Variants in VAMP7 observed in about 807,000 individuals in gnomAD.
VAMP7 encodes the protein vesicle-associated membrane protein 7.
Under a neutral mutation model 29.6 loss-of-function variants are expected in VAMP7, and 14 were observed. That is an observed-to-expected ratio of 0.47 (90% confidence interval 0.31 to 0.74). The LOEUF (loss-of-function observed/expected upper bound fraction) is 0.74, where lower values mean the gene tolerates loss of function less well. Ranked by LOEUF, VAMP7 falls within the 30% of genes least tolerant of loss-of-function variation. The probability of loss-of-function intolerance (pLI) is 0.05; values close to 1 mark genes in which losing one functional copy is unlikely to be tolerated. For synonymous variants in VAMP7, 95 were observed against 88.1 expected (o/e 1.08, Z -0.44); for missense variants, 223 against 262.4 (o/e 0.85, Z 1.04).
chrX:155,907,259 TTTTA>T (rs982791168), intron 5 of VAMP7, among the ~76,000 whole-genome samples: 33 of 151,994 alleles, frequency 2.2e-4, no homozygotes, highest in African/African-American at 5.3e-4. Context: ...TATCATTTTC[TTTTA>T]TTTATTTATT....
At chrX:155,894,301 GTTTTTTTTTTT>G (rs1195549080) in intron 2 of VAMP7, among the ~76,000 whole-genome samples, 2 of 64,888 alleles carry the variant, frequency 3.1e-5, no homozygotes, top group Non-Finnish European at 6.5e-5. Context: ...TGTGTCCTTT[GTTTTTTTTTTT>G]TTTTTTTTTT....
chrX:155,931,569 T>C (rs2066555569), intron 6 of VAMP7, among the ~76,000 whole-genome samples: 1 of 152,216 alleles, frequency 6.6e-6, no homozygotes, highest in African/African-American at 2.4e-5. Context: ...TTTGTTTCTT[T>C]TCTTATAAAT....
chrX:155,935,250 T>C (rs2066631628), intron 6 of VAMP7, among the ~76,000 whole-genome samples: 1 of 152,140 alleles, frequency 6.6e-6, no homozygotes, highest in African/African-American at 2.4e-5. Flanking sequence ...TTGGCCTGCC[T>C]TGCTAGGTTG....
chrX:155,934,259 A>G (rs1468660508), intron 6 of VAMP7, among the ~76,000 whole-genome samples: 1 of 152,042 alleles, frequency 6.6e-6, no homozygotes, highest in South Asian at 2.1e-4. Context: ...TATCCTTGTT[A>G]ACTTTCTGTC....
chrX:155,926,831 C>G (rs2066473922), intron 6 of VAMP7, among the ~76,000 whole-genome samples: 1 of 152,042 alleles, frequency 6.6e-6, no homozygotes, highest in South Asian at 2.1e-4. Context: ...TACATAGATG[C>G]CATTGTAAGG....
At chrX:155,929,618 A>G (rs1451728913) in intron 6 of VAMP7, among the ~76,000 whole-genome samples, 1 of 152,060 alleles carries the variant, frequency 6.6e-6, no homozygotes, top group African/African-American at 2.4e-5. Flanking sequence ...GATGATCAGC[A>G]TTTTAGATAT....
intron 5 of VAMP7, 22 bp from the exon 6 acceptor site, chrX:155,919,791 T>C: frequency 6.2e-7 from 1 of 1,603,602 alleles, no homozygotes; most frequent in Non-Finnish European, 8.5e-7. Flanking sequence ...CTTGACCTTT[T>C]CTACTTTTCC....
intron 1 of VAMP7, among the ~76,000 whole-genome samples, chrX:155,887,255 A>G (rs2065876172): frequency 6.6e-6 from 1 of 151,768 alleles, no homozygotes; most frequent in Admixed American, 6.6e-5. Context: ...TATGCAATAT[A>G]TCTTCAGCAA....
chrX:155,890,914 A>G (rs1465600897), intron 2 of VAMP7, among the ~76,000 whole-genome samples: 2 of 152,156 alleles, frequency 1.3e-5, no homozygotes, highest in Non-Finnish European at 2.9e-5. Context: ...CCCAAGATAC[A>G]GTATTAATTT....
At chrX:155,898,002 C>G in intron 3 of VAMP7, 110 bp from the exon 4 acceptor site, 1 of 1,359,360 alleles carries the variant, frequency 7.4e-7, no homozygotes, top group Non-Finnish European at 1.0e-6. Flanking sequence ...AGTTCCTCCT[C>G]AGATAATCAT....
At chrX:155,931,870 G>A (rs2066563250) in intron 6 of VAMP7, among the ~76,000 whole-genome samples, 1 of 152,106 alleles carries the variant, frequency 6.6e-6, no homozygotes, top group East Asian at 1.9e-4. Context: ...AATCCATCTT[G>A]AATTAATTTT....
Position 155,929,741 on chromosome X carries a change from C to T in VAMP7, c.501+9861C>T, listed in dbSNP as rs187678843. The stretch of plus-strand genomic sequence containing the variant: ...TAAAGAACTTAGTGAGGTCTCAAGG[C>T]CAAATTGATTGGCAACACAGAGGAG... On this transcript the variant is annotated intron_variant, in intron 6 of 7. Transcript: ENST00000286448. Among the ~76,000 whole-genome samples the T allele has an allele frequency of 2.1e-3, 324 of 152,150 alleles. 2 individuals are homozygous for T. Among genetic ancestry groups the T allele is most frequent in the Middle Eastern group, 3.4e-3 (1 of 294 alleles).
intron 6 of VAMP7, 73 bp from the exon 7 acceptor site, chrX:155,939,628 G>A (rs2066713860): frequency 3.8e-6 from 4 of 1,064,794 alleles, no homozygotes; most frequent in African/African-American, 1.6e-5. Context: ...GAAGTAAAAT[G>A]TTCTCAGGTT....
At chrX:155,928,794 A>G (rs2066507396) in intron 6 of VAMP7, among the ~76,000 whole-genome samples, 1 of 152,152 alleles carries the variant, frequency 6.6e-6, no homozygotes, top group South Asian at 2.1e-4. Flanking sequence ...TTTTAAACAG[A>G]TGGTTTGTCA....
At chrX:155,919,464 A>C (rs2066362758) in intron 5 of VAMP7, among the ~76,000 whole-genome samples, 1 of 152,100 alleles carries the variant, frequency 6.6e-6, no homozygotes, top group South Asian at 2.1e-4. Flanking sequence ...TTTCTTGAGG[A>C]TATATCTATG....
At chrX:155,891,655 A>T (rs1407803012) in intron 2 of VAMP7, among the ~76,000 whole-genome samples, 3 of 151,768 alleles carry the variant, frequency 2.0e-5, no homozygotes, top group Admixed American at 2.0e-4. Context: ...AATTTCAAAG[A>T]CTCCCTATTC....
chrX:155,938,873 A>T lies in VAMP7; in HGVS notation c.502-828A>T, dbSNP rs2066701470. On this transcript the variant is annotated intron_variant, in intron 6 of 7. Coordinates refer to ENST00000286448, the MANE Select transcript of VAMP7 (RefSeq NM_005638.6). ...TTTATGTCAAGTTTCTATTGCTCAAAATGATGTTTGTGAGATTCATCTGTG... is the reference window on the plus strand; with the variant it reads ...TTTATGTCAAGTTTCTATTGCTCAATATGATGTTTGTGAGATTCATCTGTG... Among the ~76,000 whole-genome samples the T allele has an allele frequency of 2.0e-5, 3 of 152,180 alleles. No individual in the cohort carries two copies. The South Asian group carries it at 6.2e-4, about 32-fold the overall frequency.
intron 6 of VAMP7, among the ~76,000 whole-genome samples, chrX:155,922,417 T>C (rs927178529): frequency 6.6e-6 from 1 of 152,098 alleles, no homozygotes; most frequent in African/African-American, 2.4e-5. Context: ...TTCCCTTTAA[T>C]TCCTCATTTG....
At chrX:155,936,280 A>G (rs1017737923) in intron 6 of VAMP7, among the ~76,000 whole-genome samples, 14 of 152,284 alleles carry the variant, frequency 9.2e-5, no homozygotes, top group Admixed American at 2.6e-4. Context: ...TTGTTCAGCT[A>G]TGCCCTGCCC....
Sources: gnomAD v4.1 joint callset for allele counts (sites outside exome capture counted in the v4.1 genomes callset) on GRCh38, gnomAD v4.1.1 for gene constraint, MANE v1.5 for transcripts, NCBI Gene and HGNC (gene_info 2026-07-23, HGNC 2026-07-21) for gene names.